SRPK2: variants seen among roughly 807,000 people sequenced by gnomAD.
SRPK2 encodes SFRS protein kinase 2.
In SRPK2, 21 loss-of-function variants were observed where a neutral mutation model predicts 90.8. That is an observed-to-expected ratio of 0.23 (90% CI 0.16 to 0.33). The LOEUF (loss-of-function observed/expected upper bound fraction) is 0.33. Ranked by LOEUF, SRPK2 falls within the 10% of genes least tolerant of loss-of-function variation. SRPK2 has a pLI of 1.00. For synonymous variants in SRPK2, 288 were observed against 311.1 expected, an observed-to-expected ratio of 0.93 and a Z score of 0.78; for missense variants, 620 against 869.0, an observed-to-expected ratio of 0.71 and a Z score of 3.60.
chr7:105,193,420 G>A (rs1360225032), intron 3 of SRPK2, among the ~76,000 whole-genome samples: 1 of 152,174 alleles, frequency 6.6e-6, no homozygotes, highest in Non-Finnish European at 1.5e-5. Context: ...GTACCATGCT[G>A]TTTTGGTGAC....
chr7:105,330,959 A>G (rs1014842290), intron 2 of SRPK2, among the ~76,000 whole-genome samples: 1 of 152,126 alleles, frequency 6.6e-6, no homozygotes, highest in African/African-American at 2.4e-5. Flanking sequence ...CTGCCACTGC[A>G]TTCCAACCCA....
chr7:105,259,571 T>C (rs1019930952), intron 2 of SRPK2, among the ~76,000 whole-genome samples: 14 of 152,178 alleles, frequency 9.2e-5, no homozygotes, highest in African/African-American at 3.1e-4. Context: ...AGAGCCTGCA[T>C]TGCCAAGAAA....
chr7:105,166,504 T>G (rs561578945), intron 6 of SRPK2, among the ~76,000 whole-genome samples: 14 of 152,260 alleles, frequency 9.2e-5, no homozygotes, highest in African/African-American at 3.1e-4. Flanking sequence ...CTATAATAAT[T>G]CAGCAAGAAA....
In SRPK2 at chr7:105,127,074, C is replaced by T. The variant is rs1480560244; in HGVS notation, c.1753-12G>A. 1.9e-6 allele frequency: 3 copies of T among 1,614,072 alleles called. No homozygotes were observed. Among genetic ancestry groups the T allele is most frequent in the African/African-American group, 1.3e-5 (1 of 75,046 alleles). ...GCCAGCTCAAATGCCTAGGATACAACAGACGACATGCTAAGCACTTCAGAG... is the reference window on the plus strand; with the variant it reads ...GCCAGCTCAAATGCCTAGGATACAATAGACGACATGCTAAGCACTTCAGAG... On this transcript the variant is annotated splice_polypyrimidine_tract_variant and intron_variant, in intron 13 of 15. Transcript: ENST00000393651.
rs115031917 is a variant in SRPK2, at chr7:105,222,682, T to C, written c.72-18897A>G. ...GAGAAAGATCAATCTGGTATAAATA[T>C]AGAAATTCAATCCATAATAACATTA... On this transcript the variant is annotated intron_variant, in intron 2 of 15. Transcript: ENST00000393651. 8.0e-3 allele frequency among the ~76,000 whole-genome samples: 1,217 copies of C among 152,320 alleles called. 20 individuals are homozygous for C. Among genetic ancestry groups the C allele is most frequent in the African/African-American group, 0.027 (1,127 of 41,566 alleles).
intron 3 of SRPK2, among the ~76,000 whole-genome samples, chr7:105,197,746 G>A (rs1795093959): frequency 6.6e-6 from 1 of 152,150 alleles, no homozygotes; most frequent in Non-Finnish European, 1.5e-5. Context: ...ATAAAGGAAA[G>A]GGTCTGATTA....
At chr7:105,292,274 G>C (rs1012888710) in intron 2 of SRPK2, among the ~76,000 whole-genome samples, 9 of 152,052 alleles carry the variant, frequency 5.9e-5, no homozygotes, top group Non-Finnish European at 2.9e-5. Context: ...TTGGGAGGCC[G>C]AGGCGGGCCA....
chr7:105,312,243 C>G (rs1811786855), intron 2 of SRPK2, among the ~76,000 whole-genome samples: 1 of 151,976 alleles, frequency 6.6e-6, no homozygotes, highest in Non-Finnish European at 1.5e-5. Flanking sequence ...AGTTCGAGAC[C>G]AGCCTGGACA....
Position 105,357,549 on chromosome 7 carries a change from G to T in SRPK2, c.71+31099C>A, listed in dbSNP as rs189443332. Among the ~76,000 whole-genome samples the T allele has an allele frequency of 1.4e-3, 218 of 152,094 alleles. 2 individuals carry two copies. The highest frequency in any genetic ancestry group is 4.0e-3 in the African/African-American group (164 of 41,514). ...ACCTGAGGTCAGGAGTTCAGGACCAGCCTAGCCAACATGGTGAAACCCCAT... is the reference window on the plus strand; with the variant it reads ...ACCTGAGGTCAGGAGTTCAGGACCATCCTAGCCAACATGGTGAAACCCCAT... On this transcript the variant is annotated intron_variant, in intron 2 of 15. Transcript: ENST00000393651.
intron 6 of SRPK2, 90 bp downstream of exon 6, chr7:105,167,287 G>T: frequency 9.8e-7 from 1 of 1,019,304 alleles, no homozygotes; most frequent in Non-Finnish European, 1.5e-6. Flanking sequence ...TGTTGAAGGT[G>T]ATACAGCAGT....
intron 4 of SRPK2, among the ~76,000 whole-genome samples, chr7:105,168,380 G>C (rs1161967481): frequency 6.6e-6 from 1 of 152,110 alleles, no homozygotes; most frequent in African/African-American, 2.4e-5. Context: ...AATGAATTTT[G>C]TGTTTAGATC....
intron 7 of SRPK2, among the ~76,000 whole-genome samples, chr7:105,151,932 G>A (rs1032001056): frequency 5.3e-5 from 8 of 151,142 alleles, no homozygotes; most frequent in Non-Finnish European, 1.0e-4. Context: ...GTTGAGGCAG[G>A]AGAATCACTT....
chr7:105,192,374 G>A (rs1794404455), intron 3 of SRPK2, among the ~76,000 whole-genome samples: 2 of 152,244 alleles, frequency 1.3e-5, no homozygotes, highest in South Asian at 4.2e-4. Context: ...TATCCAGGTT[G>A]CTCCAAAATT....
chr7:105,227,189 A>G (rs1466853567), intron 2 of SRPK2, among the ~76,000 whole-genome samples: 2 of 152,212 alleles, frequency 1.3e-5, no homozygotes, highest in African/African-American at 2.4e-5. Context: ...CACAATTTTT[A>G]AAAAACTTTT....
rs545866651 is a variant in SRPK2 at position 105,278,152 on chromosome 7, T to C, written c.72-74367A>G. On this transcript the variant is annotated intron_variant, in intron 2 of 15. Coordinates refer to ENST00000393651, the MANE Select transcript of SRPK2 (RefSeq NM_182692.3). Reference sequence around the variant, plus strand: ...CCAACAAGGTGAAAACCCGTCTCTATTAAAAATACAAAAATTAACCAGGTG... The same window carrying C: ...CCAACAAGGTGAAAACCCGTCTCTACTAAAAATACAAAAATTAACCAGGTG... Among the ~76,000 whole-genome samples, 42 of 150,348 alleles carry C rather than the reference T, an allele frequency of 2.8e-4. 1 individual carries two copies. The highest frequency in any genetic ancestry group is 1.5e-3 in the Admixed American group (22 of 15,098).
intron 2 of SRPK2, among the ~76,000 whole-genome samples, chr7:105,221,671 A>G (rs544523616): frequency 3.9e-5 from 6 of 152,166 alleles, no homozygotes; most frequent in African/African-American, 1.4e-4. Flanking sequence ...CCCTGTCCAC[A>G]ACAGTCCTAA....
At chr7:105,175,138 T>C (rs1001085669) in intron 3 of SRPK2, among the ~76,000 whole-genome samples, 2 of 145,068 alleles carry the variant, frequency 1.4e-5, no homozygotes, top group Non-Finnish European at 3.0e-5. Context: ...AAACTCCGTT[T>C]CAAAAAAAAA....
chr7:105,332,251 C>A (rs1254830827), intron 2 of SRPK2, among the ~76,000 whole-genome samples: 1 of 152,064 alleles, frequency 6.6e-6, no homozygotes. Flanking sequence ...GGGGATGAAG[C>A]AAAACAAGTA....
intron 2 of SRPK2, among the ~76,000 whole-genome samples, chr7:105,343,582 A>G (rs1816084135): frequency 6.6e-6 from 1 of 152,338 alleles, no homozygotes; most frequent in Non-Finnish European, 1.5e-5. Context: ...TATAGGCTCC[A>G]TTAGCAAAGA....
Sources: allele counts gnomAD v4.1 joint callset (sites outside exome capture counted in the v4.1 genomes callset), GRCh38; gene constraint gnomAD v4.1.1; transcripts MANE v1.5; gene names NCBI Gene and HGNC (gene_info 2026-07-23, HGNC 2026-07-21).